Variants in FAM171A1 observed in about 807,000 individuals in gnomAD.
The protein encoded by FAM171A1 is protein FAM171A1.
Under a neutral mutation model 74.9 loss-of-function variants are expected in FAM171A1, and 23 were observed. That is an observed-to-expected ratio of 0.31 (90% CI 0.22 to 0.44). The LOEUF is 0.44. FAM171A1 is among the 20% of genes least tolerant of loss of function. The probability of loss-of-function intolerance (pLI) is 1.00; values close to 1 mark genes in which losing one functional copy is unlikely to be tolerated. For missense variants in FAM171A1, 1,162 were observed against 1,159.2 expected (o/e 1.00, Z -0.03); for synonymous variants, 527 against 505.7 (o/e 1.04, Z -0.57).
At chr10:15,328,282 T>C (rs1049065879) in intron 1 of FAM171A1, among the ~76,000 whole-genome samples, 2 of 152,050 alleles carry the variant, frequency 1.3e-5, no homozygotes, top group African/African-American at 4.8e-5. Flanking sequence ...GTAGCTGGGA[T>C]CACAGGCGCC....
At chr10:15,279,548 G>C (rs907983762) in intron 2 of FAM171A1, among the ~76,000 whole-genome samples, 1 of 152,034 alleles carries the variant, frequency 6.6e-6, no homozygotes, top group South Asian at 2.1e-4. Context: ...TAGAGGGAAA[G>C]GAACATCTCA....
intron 1 of FAM171A1, among the ~76,000 whole-genome samples, chr10:15,312,700 T>G (rs1835377769): frequency 6.6e-5 from 6 of 90,832 alleles, no homozygotes; most frequent in Admixed American, 1.3e-4. Flanking sequence ...TTTTTTTTTT[T>G]TTTTTTTTTT....
intron 1 of FAM171A1, among the ~76,000 whole-genome samples, chr10:15,312,615 T>G (rs1835373279): frequency 6.7e-6 from 1 of 148,526 alleles, no homozygotes; most frequent in Non-Finnish European, 1.5e-5. Flanking sequence ...TTGTTACTCT[T>G]TTTAAAAATC....
intron 4 of FAM171A1, among the ~76,000 whole-genome samples, 179 bp downstream of exon 4, chr10:15,254,542 C>G (rs1834551020): frequency 1.3e-5 from 2 of 152,194 alleles, no homozygotes; most frequent in Non-Finnish European, 2.9e-5. Flanking sequence ...TGTAATTCTG[C>G]AGGGCTCGTA....
At chr10:15,288,879 A>G (rs1326030378) in intron 1 of FAM171A1, among the ~76,000 whole-genome samples, 2 of 131,686 alleles carry the variant, frequency 1.5e-5, no homozygotes, top group Non-Finnish European at 3.1e-5. Context: ...CTGGAGTGCA[A>G]TGGCACAGTC....
Position 15,213,565 on chromosome 10 carries a change from C to T in FAM171A1, c.2023G>A (p.Asp675Asn), listed in dbSNP as rs751029098. ...CTGTTCATCTGAGCCAAAGCCGCGT[C>T]GTTCAGGGAAGCTGGGATGGAGAGA... is the stretch of plus-strand genomic sequence containing the variant. Reference protein sequence around the residue: ...ESLSIPASLNDAALAQMNSEV... With the variant: ...ESLSIPASLNNAALAQMNSEV... The change falls in exon 8 of 8, where the codon GAC becomes AAC. Residue 675 changes from aspartate to asparagine, a missense_variant. By Grantham distance (23) the Asp-to-Asn change is conservative (BLOSUM62 1). Coordinates refer to ENST00000378116, the MANE Select transcript of FAM171A1 (RefSeq NM_001010924.2). This position sits in a 1 kb window ranked among gnomAD's most constrained non-coding sequence, Gnocchi z 6.8. 6.2e-6 allele frequency: 10 copies of T among 1,614,172 alleles called. No individual in the cohort carries two copies. The highest frequency in any genetic ancestry group is 8.5e-6 in the Non-Finnish European group (10 of 1,180,042).
chr10:15,221,190 C>A, intron 5 of FAM171A1, 130 bp from the exon 6 acceptor site: 4 of 671,892 alleles, frequency 6.0e-6, no homozygotes, highest in Non-Finnish European at 9.1e-6. Flanking sequence ...CCAAGATGGC[C>A]AAAGTGTCAT....
At chr10:15,219,719 C>T (rs1834012446) in intron 6 of FAM171A1, among the ~76,000 whole-genome samples, 2 of 152,102 alleles carry the variant, frequency 1.3e-5, no homozygotes, top group African/African-American at 4.8e-5. Flanking sequence ...GTAGCTGGGA[C>T]TACAGGCGTG....
chr10:15,342,530 T>C (rs989502973), intron 1 of FAM171A1, among the ~76,000 whole-genome samples: 2 of 152,136 alleles, frequency 1.3e-5, no homozygotes, highest in Admixed American at 1.3e-4. Flanking sequence ...ATTGCACCAC[T>C]GCACTCCAGC....
At chr10:15,335,349 A>T (rs1835688882) in intron 1 of FAM171A1, among the ~76,000 whole-genome samples, 1 of 152,248 alleles carries the variant, frequency 6.6e-6, no homozygotes, top group Non-Finnish European at 1.5e-5. Flanking sequence ...CAAACAAGTT[A>T]CCTCATTTTA....
chr10:15,223,451 G>C (rs1834065473), intron 5 of FAM171A1, among the ~76,000 whole-genome samples: 1 of 152,222 alleles, frequency 6.6e-6, no homozygotes, highest in Non-Finnish European at 1.5e-5. Flanking sequence ...AGCAGATTCT[G>C]GGTTAGGCTA....
intron 5 of FAM171A1, among the ~76,000 whole-genome samples, chr10:15,239,954 C>G (rs1057065027): frequency 2.6e-5 from 4 of 152,242 alleles, no homozygotes; most frequent in Non-Finnish European, 5.9e-5. Context: ...TTGGGCATGA[C>G]CTTTGAGTAT....
At chr10:15,275,079 A>G (rs1834876116) in intron 3 of FAM171A1, among the ~76,000 whole-genome samples, 2 of 152,098 alleles carry the variant, frequency 1.3e-5, no homozygotes, top group East Asian at 3.9e-4. Flanking sequence ...AGGGTGGGAA[A>G]CATTACACAC....
intron 1 of FAM171A1, among the ~76,000 whole-genome samples, chr10:15,340,185 C>T (rs997928440): frequency 6.6e-6 from 1 of 152,116 alleles, no homozygotes; most frequent in Non-Finnish European, 1.5e-5. Flanking sequence ...TCTCTGCTCC[C>T]CATCAGTAAA....
At chr10:15,329,116 A>T (rs1835595613) in intron 1 of FAM171A1, among the ~76,000 whole-genome samples, 1 of 152,214 alleles carries the variant, frequency 6.6e-6, no homozygotes, top group Non-Finnish European at 1.5e-5. Flanking sequence ...AAGAAGGTTG[A>T]GAATCAAAAT....
intron 3 of FAM171A1, among the ~76,000 whole-genome samples, chr10:15,268,790 C>T (rs1180071500): frequency 1.3e-5 from 2 of 152,132 alleles, no homozygotes; most frequent in African/African-American, 4.8e-5. Flanking sequence ...GCCTGTAATC[C>T]CAACACTTTG....
At chr10:15,233,923 G>A (rs1305274129) in intron 5 of FAM171A1, among the ~76,000 whole-genome samples, 1 of 129,996 alleles carries the variant, frequency 7.7e-6, no homozygotes, top group East Asian at 2.7e-4. Context: ...AAAGAACCAC[G>A]ACATCAAAAA....
intron 3 of FAM171A1, among the ~76,000 whole-genome samples, chr10:15,273,733 C>G (rs539724874): frequency 6.6e-6 from 1 of 152,100 alleles, no homozygotes; most frequent in African/African-American, 2.4e-5. Flanking sequence ...GTTCAACATA[C>G]GCAAATCAAT....
At chr10:15,355,482 C>T (rs1835922081) in intron 1 of FAM171A1, among the ~76,000 whole-genome samples, 1 of 152,148 alleles carries the variant, frequency 6.6e-6, no homozygotes, top group Non-Finnish European at 1.5e-5. Flanking sequence ...CTTTGGGAGG[C>T]CGAGGCAGGT....
Sources: allele counts gnomAD v4.1 joint callset (sites outside exome capture counted in the v4.1 genomes callset), GRCh38; gene constraint gnomAD v4.1.1; non-coding constraint Gnocchi (gnomAD v3.1); transcripts MANE v1.5; gene names NCBI Gene and HGNC (gene_info 2026-07-23, HGNC 2026-07-21).